Variants in FAH observed in about 807,000 individuals in gnomAD.
FAH encodes fumarylacetoacetase.
In FAH, 47 loss-of-function variants were observed where a neutral mutation model predicts 55.8. The observed-to-expected ratio is 0.84, with a 90% CI of 0.67 to 1.07. FAH has a LOEUF of 1.07. Among genes scored for constraint, FAH ranks in the 50% least tolerant of loss-of-function variants. The pLI is 0.00. For missense variants in FAH, 495 were observed against 545.9 expected (o/e 0.91, Z 0.93); for synonymous variants, 199 against 207.7 (o/e 0.96, Z 0.36).
intron 13 of FAH, among the ~76,000 whole-genome samples, chr15:80,183,886 A>G (rs2142110798): frequency 6.6e-6 from 1 of 152,352 alleles, no homozygotes; most frequent in East Asian, 1.9e-4. Flanking sequence ...GGGTAGAGCC[A>G]GGGTTTGAAC....
intron 7 of FAH, 161 bp downstream of exon 7, chr15:80,168,477 C>A: frequency 1.5e-6 from 1 of 683,124 alleles, no homozygotes; most frequent in Non-Finnish European, 2.6e-6. Context: ...GACAGTTGAT[C>A]CTTATTACTT....
At position 80,168,313 on chromosome 15, in the gene FAH, A is replaced by G; in HGVS notation, c.603A>G (p.Glu201=). ...GCAAGCTCTTGGACATGGAGCTGGA[A>G]ATGGTAAGTGAGCTTGATGTTTTAT... ...GACKLLDMEL[E]MAFFVGPGNR... is the part of the protein sequence containing the mutation. Residue 201 remains glutamate, a synonymous_variant, in exon 7 of 14, where the codon GAA becomes GAG. Coordinates refer to ENST00000561421, the MANE Select transcript of FAH (RefSeq NM_000137.4). 1 of 1,612,136 alleles carries G rather than the reference A, an allele frequency of 6.2e-7. No individual in the cohort carries two copies. The highest frequency in any genetic ancestry group is 8.5e-7 in the Non-Finnish European group (1 of 1,179,966).
At chr15:80,162,364 A>T in intron 5 of FAH, 28 bp downstream of exon 5, 1 of 1,565,474 alleles carries the variant, frequency 6.4e-7, no homozygotes. Context: ...TGTCTGCATA[A>T]GTTCAAAGTC....
intron 10 of FAH, among the ~76,000 whole-genome samples, chr15:80,176,119 C>G (rs555379104): frequency 6.6e-6 from 1 of 152,134 alleles, no homozygotes; most frequent in East Asian, 1.9e-4. Context: ...TGGGTTCAAG[C>G]GAGTCTTCTG....
At chr15:80,168,497 G>A in intron 7 of FAH, 181 bp downstream of exon 7, 3 of 645,060 alleles carry the variant, frequency 4.7e-6, no homozygotes, top group South Asian at 3.4e-5. Context: ...TGCAGATTCT[G>A]TATTTGAGAA....
At chr15:80,179,015 C>T (rs983241754) in intron 11 of FAH, among the ~76,000 whole-genome samples, 7 of 152,190 alleles carry the variant, frequency 4.6e-5, no homozygotes, top group Non-Finnish European at 1.0e-4. Context: ...CATATGTGCA[C>T]ATTTCTATTG....
rs556653791 is a variant in FAH at position 80,180,348 on chromosome 15, C to G, written c.1062+123C>G. On this transcript the variant is annotated intron_variant, in intron 12 of 13. Coordinates refer to ENST00000561421, the MANE Select transcript of FAH (RefSeq NM_000137.4). ...GGCCCGAGGTGGGTGTATCTCACAA[C>G]TCTGTCTTCCTCGTAGCCTTTCTCT... The G allele has an allele frequency of 3.4e-5, 25 of 735,124 alleles. No homozygotes were observed. The South Asian group carries it at 3.5e-4, about 10-fold the overall frequency. The allele number at this position is 735,124 out of a possible 1,614,324, so 45.5% of individuals were successfully genotyped here. A position where few individuals can be genotyped will look rare whatever the true frequency, so the allele number is the denominator to read the frequency against.
chr15:80,160,248 C>T, intron 3 of FAH, 162 bp from the exon 4 acceptor site: 1 of 749,600 alleles, frequency 1.3e-6, no homozygotes. Context: ...GGGTGGATGT[C>T]CTCTCAGCTG....
At chr15:80,172,459 A>G (rs1296962074) in intron 8 of FAH, among the ~76,000 whole-genome samples, 1 of 152,114 alleles carries the variant, frequency 6.6e-6, no homozygotes, top group Admixed American at 6.5e-5. Flanking sequence ...TCGAGTGGCT[A>G]GGGACACGGC....
intron 5 of FAH, among the ~76,000 whole-genome samples, chr15:80,167,439 G>T (rs1026499477): frequency 2.0e-5 from 3 of 151,760 alleles, no homozygotes; most frequent in African/African-American, 7.3e-5. Flanking sequence ...TTGGATTTAG[G>T]GCCCACCTGG....
At chr15:80,180,308 C>A in intron 12 of FAH, 83 bp downstream of exon 12, 1 of 1,132,408 alleles carries the variant, frequency 8.8e-7, no homozygotes, top group South Asian at 1.3e-5. Flanking sequence ...AGCTCAGCCT[C>A]GAGAAGAGAT....
chr15:80,183,950 C>T (rs1456616935), intron 13 of FAH, among the ~76,000 whole-genome samples: 3 of 152,326 alleles, frequency 2.0e-5, no homozygotes, highest in Non-Finnish European at 4.4e-5. Context: ...CCTGTTGCCT[C>T]TTTAAATGGC....
chr15:80,165,682 G>A (rs374396818), intron 5 of FAH, among the ~76,000 whole-genome samples: 9 of 151,326 alleles, frequency 5.9e-5, no homozygotes, highest in African/African-American at 1.9e-4. Flanking sequence ...GCGACAGAGC[G>A]AGACTCTGTC....
intron 4 of FAH, among the ~76,000 whole-genome samples, chr15:80,161,796 G>C (rs559814006): frequency 6.6e-6 from 1 of 152,244 alleles, no homozygotes; most frequent in African/African-American, 2.4e-5. Context: ...AGGGGGAAGA[G>C]ATCCTGCTAG....
At chr15:80,163,501 G>A (rs1391239605) in intron 5 of FAH, 1 of 152,254 alleles carries the variant, frequency 6.6e-6, no homozygotes, top group East Asian at 1.9e-4. Context: ...CCTGGGAAAT[G>A]AGTGTTGACT....
chr15:80,184,798 G>A, intron 13 of FAH, among the ~76,000 whole-genome samples: 1 of 152,128 alleles, frequency 6.6e-6, no homozygotes. Flanking sequence ...GAGTGTCTGA[G>A]CCTTTGCACG....
intron 9 of FAH, 168 bp downstream of exon 9, chr15:80,173,312 G>A: frequency 1.2e-6 from 1 of 815,574 alleles, no homozygotes; most frequent in Admixed American, 2.0e-5. Context: ...ATTACTTCCA[G>A]GCAGCCAGGG....
chr15:80,159,672 A>AGGCTGGCTGGCC, intron 2 of FAH, 84 bp from the exon 3 acceptor site: 1 of 1,543,754 alleles, frequency 6.5e-7, no homozygotes, highest in Non-Finnish European at 9.0e-7. Flanking sequence ...AAGGGCTGGC[A>AGGCTGGCTGGCC]GGCTGGCTGG....
At chr15:80,166,560 T>C (rs182909550) in intron 5 of FAH, among the ~76,000 whole-genome samples, 5 of 152,242 alleles carry the variant, frequency 3.3e-5, no homozygotes, top group Admixed American at 2.0e-4. Flanking sequence ...TGCAATGCAT[T>C]GCAAATATTT....
Sources: gnomAD v4.1 joint callset for allele counts (sites outside exome capture counted in the v4.1 genomes callset) on GRCh38, gnomAD v4.1.1 for gene constraint, MANE v1.5 for transcripts, NCBI Gene and HGNC (gene_info 2026-07-23, HGNC 2026-07-21) for gene names.